The following KLRG1 variants were observed in gnomAD, a reference collection of about 807,000 sequenced individuals.
The protein encoded by KLRG1 is killer cell lectin like receptor G1.
Under a neutral mutation model 21.8 loss-of-function variants are expected in KLRG1, and 16 were observed. The ratio of observed to expected loss-of-function variants is 0.73; its 90% confidence interval spans 0.50 to 1.11. The LOEUF (loss-of-function observed/expected upper bound fraction) is 1.11, where lower values mean the gene tolerates loss of function less well. KLRG1 is among the 50% of genes most tolerant of loss of function. The probability of loss-of-function intolerance (pLI) is 0.00; values close to 1 mark genes in which losing one functional copy is unlikely to be tolerated. For synonymous variants in KLRG1, 69 were observed against 75.9 expected, an observed-to-expected ratio of 0.91 and a Z score of 0.47; for missense variants, 173 against 218.3, an observed-to-expected ratio of 0.79 and a Z score of 1.31.
chr12:9,018,968 A>T, the KLRG1 span, among the ~76,000 whole-genome samples: 1 of 152,208 alleles, frequency 6.6e-6, no homozygotes, highest in African/African-American at 2.4e-5. Flanking sequence ...CAGCAAAGGA[A>T]ACAAAGTGAA....
At chr12:9,059,929 C>G in the KLRG1 span, among the ~76,000 whole-genome samples, 2 of 151,408 alleles carry the variant, frequency 1.3e-5, no homozygotes, top group African/African-American at 2.4e-5. Flanking sequence ...ATCCATCCGC[C>G]TTGGCCTCCC....
the KLRG1 span, chr12:9,202,436 G>A: frequency 1.9e-6 from 3 of 1,612,368 alleles, no homozygotes; most frequent in Non-Finnish European, 2.5e-6. Flanking sequence ...TAATAAGACA[G>A]GAGGCTACGG....
chr12:9,207,831 C>T, the KLRG1 span, among the ~76,000 whole-genome samples: 1 of 152,144 alleles, frequency 6.6e-6, no homozygotes, highest in Non-Finnish European at 1.5e-5. Flanking sequence ...CTGCTTTGGT[C>T]CCCCACTGGG....
the KLRG1 span, among the ~76,000 whole-genome samples, chr12:9,142,867 G>A: frequency 6.6e-6 from 1 of 152,174 alleles, no homozygotes; most frequent in African/African-American, 2.4e-5. Flanking sequence ...TTCCCCAAAT[G>A]GGATTTGTGG....
chr12:8,975,250 T>C (rs946959598), intron 1 of KLRG1, among the ~76,000 whole-genome samples: 1 of 152,170 alleles, frequency 6.6e-6, no homozygotes, highest in Non-Finnish European at 1.5e-5. Context: ...TAATTTTTCT[T>C]TAAATGTTTT....
chr12:8,963,228 G>A (rs1257553676), intron 1 of KLRG1, among the ~76,000 whole-genome samples: 1 of 152,128 alleles, frequency 6.6e-6, no homozygotes, highest in Non-Finnish European at 1.5e-5. Context: ...ATGAACACAT[G>A]CTGAGAGAAT....
At chr12:8,977,022 A>G (rs1946667587) in intron 1 of KLRG1, among the ~76,000 whole-genome samples, 1 of 152,094 alleles carries the variant, frequency 6.6e-6, no homozygotes, top group Non-Finnish European at 1.5e-5. Context: ...AAGTGCTGGG[A>G]TTACAGGCAA....
At chr12:9,199,291 T>C in the KLRG1 span, among the ~76,000 whole-genome samples, 1 of 152,196 alleles carries the variant, frequency 6.6e-6, no homozygotes, top group South Asian at 2.1e-4. Context: ...ACCTGTGATC[T>C]TTAGGTTTCT....
chr12:9,191,812 T>C, the KLRG1 span, among the ~76,000 whole-genome samples: 2 of 152,184 alleles, frequency 1.3e-5, no homozygotes, highest in Non-Finnish European at 2.9e-5. Context: ...ATCTATCACC[T>C]TTCTTCCTTC....
At chr12:9,190,089 C>T in the KLRG1 span, among the ~76,000 whole-genome samples, 2 of 152,054 alleles carry the variant, frequency 1.3e-5, no homozygotes, top group African/African-American at 4.8e-5. Context: ...TGTGGCGATT[C>T]CTCAAAGAGC....
chr12:9,094,493 C>A, the KLRG1 span, among the ~76,000 whole-genome samples: 1 of 150,826 alleles, frequency 6.6e-6, no homozygotes, highest in African/African-American at 2.5e-5. Flanking sequence ...AACTGATTCT[C>A]CTTAAATGCT....
Position 8,963,459 on chromosome 12 carries a change from C to T in KLRG1, c.-156+13223C>T, listed in dbSNP as rs1234311910. Among the ~76,000 whole-genome samples, 30 of 152,172 alleles carry T rather than the reference C, an allele frequency of 2.0e-4. 1 individual carries two copies. The highest frequency in any genetic ancestry group is 2.0e-3 in the Admixed American group (30 of 15,282). ...GCCAGCATTTTATTGAGGATTTTCG[C>T]ATCAATGTTCATCAAGGATATTGGT... On this transcript the variant is annotated intron_variant, in intron 1 of 4. Coordinates refer to the KLRG1 transcript ENST00000539240.
At chr12:9,160,454 T>C in the KLRG1 span, 1 of 1,613,838 alleles carries the variant, frequency 6.2e-7, no homozygotes, top group Non-Finnish European at 8.5e-7. Flanking sequence ...CTGGAGGAGA[T>C]TTTGTATATT....
At chr12:8,961,326 A>C (rs1384171250) in intron 1 of KLRG1, among the ~76,000 whole-genome samples, 2 of 152,210 alleles carry the variant, frequency 1.3e-5, no homozygotes, top group Non-Finnish European at 2.9e-5. Context: ...GATTCTTCAC[A>C]GTTCTAGATA....
At chr12:9,184,237 A>G in the KLRG1 span, among the ~76,000 whole-genome samples, 1 of 152,182 alleles carries the variant, frequency 6.6e-6, no homozygotes, top group Admixed American at 6.5e-5. Flanking sequence ...ATTGGCAGGC[A>G]CTAAGCTCGC....
At chr12:9,094,055 C>T in the KLRG1 span, among the ~76,000 whole-genome samples, 3 of 151,932 alleles carry the variant, frequency 2.0e-5, no homozygotes, top group South Asian at 2.1e-4. Flanking sequence ...TGGCTGCTGC[C>T]GCTGTGCTAA....
At chr12:9,126,231 A>T in the KLRG1 span, among the ~76,000 whole-genome samples, 3 of 152,376 alleles carry the variant, frequency 2.0e-5, no homozygotes, top group East Asian at 5.8e-4. Flanking sequence ...TCTGAAGTGG[A>T]GAATGTTATT....
the KLRG1 span, chr12:9,152,284 T>C: frequency 3.7e-6 from 6 of 1,613,470 alleles, 1 homozygote; most frequent in Admixed American, 3.3e-5. Context: ...AATCACCATA[T>C]TGGAAGCAGG....
chr12:9,180,961 C>G, the KLRG1 span: 5 of 1,606,740 alleles, frequency 3.1e-6, no homozygotes, highest in Non-Finnish European at 4.2e-6. Flanking sequence ...CTTCCTGGTC[C>G]CCAAGGCCAC....
Sources: allele counts gnomAD v4.1 joint callset (sites outside exome capture counted in the v4.1 genomes callset), GRCh38; gene constraint gnomAD v4.1.1; transcripts MANE v1.5; gene names NCBI Gene and HGNC (gene_info 2026-07-23, HGNC 2026-07-21).